SSBP2: variants seen among roughly 807,000 people sequenced by gnomAD.
SSBP2 encodes single-stranded DNA-binding protein 2.
SSBP2 carries 17 observed loss-of-function variants against 61.8 expected under a neutral mutation model. That is an observed-to-expected ratio of 0.28 (90% confidence interval 0.19 to 0.41). SSBP2 has a LOEUF of 0.41. Ranked by LOEUF, SSBP2 falls within the 10% of genes least tolerant of loss-of-function variation. The pLI, the probability that SSBP2 is intolerant of heterozygous loss-of-function variation, is 1.00. For missense variants in SSBP2, 310 were observed against 458.7 expected (o/e 0.68, Z 2.96); for synonymous variants, 139 against 141.3 (o/e 0.98, Z 0.12).
intron 5 of SSBP2, among the ~76,000 whole-genome samples, chr5:81,496,931 C>A (rs1034910296): frequency 6.6e-6 from 1 of 152,204 alleles, no homozygotes; most frequent in African/African-American, 2.4e-5. Flanking sequence ...CACTTTCTCT[C>A]AGGCCCTCAG....
chr5:81,551,765 G>T (rs1363438321), intron 4 of SSBP2, among the ~76,000 whole-genome samples: 1 of 152,014 alleles, frequency 6.6e-6, no homozygotes, highest in Non-Finnish European at 1.5e-5. Context: ...ATGTAAAAAT[G>T]TATACTTTAT....
chr5:81,748,519 A>G (rs1050617057), intron 1 of SSBP2, among the ~76,000 whole-genome samples: 1 of 152,214 alleles, frequency 6.6e-6, no homozygotes, highest in Non-Finnish European at 1.5e-5. Context: ...AGTTTATTCT[A>G]TAAGACAGAA....
intron 14 of SSBP2, chr5:81,437,869 C>T (rs1050670290): frequency 1.3e-4 from 20 of 151,910 alleles, no homozygotes; most frequent in African/African-American, 3.1e-4. Context: ...TGAACACTTG[C>T]GACAATGTTT....
intron 5 of SSBP2, among the ~76,000 whole-genome samples, chr5:81,490,782 T>C (rs1226782343): frequency 1.3e-5 from 2 of 152,196 alleles, no homozygotes; most frequent in African/African-American, 4.8e-5. Flanking sequence ...AGTGAGCAAT[T>C]TGGCTTTTTG....
chr5:81,644,998 A>G (rs1749132036), intron 2 of SSBP2, among the ~76,000 whole-genome samples: 1 of 152,332 alleles, frequency 6.6e-6, no homozygotes, highest in East Asian at 1.9e-4. Flanking sequence ...ACTATACAAG[A>G]TAGAAAAAAA....
intron 1 of SSBP2, chr5:81,750,628 T>TCCCCGGAG (rs1210249753): frequency 6.3e-6 from 1 of 159,238 alleles, no homozygotes; most frequent in African/African-American, 3.0e-5. Context: ...GCTCCCCAGG[T>TCCCCGGAG]CCCCGGAGCC....
intron 4 of SSBP2, among the ~76,000 whole-genome samples, chr5:81,550,822 C>A (rs1264159328): frequency 6.6e-6 from 1 of 152,290 alleles, no homozygotes; most frequent in Admixed American, 6.5e-5. Context: ...AGAGGCCAGG[C>A]GCGGTGGCTC....
intron 10 of SSBP2, among the ~76,000 whole-genome samples, chr5:81,451,854 C>T (rs1402912435): frequency 1.3e-5 from 2 of 152,182 alleles, no homozygotes; most frequent in African/African-American, 2.4e-5. Context: ...TTTTTTGCCC[C>T]GTCAAGCTCT....
Position 81,636,604 on chromosome 5 carries a change from T to C in SSBP2, c.150A>G (p.Lys50=). 2 of 1,610,902 alleles carry C rather than the reference T, an allele frequency of 1.2e-6. No homozygotes were observed. The highest frequency in any genetic ancestry group is 2.2e-5 in the South Asian group (2 of 90,586). ...CTGGTGGTTCCCCCAATGTGATGTT[T>C]TTTTCCCATCTTATCTAAAATGAAT... Residue 50 remains lysine (K), a synonymous_variant, in exon 3 of 17, where the codon AAA becomes AAG. Transcript: ENST00000320672.
At chr5:81,440,895 A>T (rs929839896) in intron 13 of SSBP2, among the ~76,000 whole-genome samples, 1 of 152,186 alleles carries the variant, frequency 6.6e-6, no homozygotes, top group Non-Finnish European at 1.5e-5. Context: ...TTCTTCAGAT[A>T]TACTCAGAAA....
At chr5:81,516,793 A>G (rs527965762) in intron 4 of SSBP2, among the ~76,000 whole-genome samples, 1 of 151,042 alleles carries the variant, frequency 6.6e-6, no homozygotes, top group South Asian at 2.1e-4. Context: ...TGTAAGGTAA[A>G]TAAGAAGTTT....
chr5:81,735,507 TACA>T (rs1335693442), intron 1 of SSBP2, among the ~76,000 whole-genome samples: 3 of 152,206 alleles, frequency 2.0e-5, no homozygotes, highest in African/African-American at 7.2e-5. Context: ...CTAGATTACT[TACA>T]ACACCTAATA....
At chr5:81,679,815 A>G (rs1351375205) in intron 1 of SSBP2, among the ~76,000 whole-genome samples, 1 of 152,202 alleles carries the variant, frequency 6.6e-6, no homozygotes, top group African/African-American at 2.4e-5. Flanking sequence ...GTAAAACATC[A>G]TACATTTCTG....
intron 1 of SSBP2, among the ~76,000 whole-genome samples, chr5:81,704,481 T>C (rs1333714754): frequency 2.0e-5 from 3 of 151,958 alleles, no homozygotes; most frequent in Non-Finnish European, 4.4e-5. Context: ...ATACACAATA[T>C]TATACAATTG....
At chr5:81,563,460 A>C (rs1471983031) in intron 4 of SSBP2, among the ~76,000 whole-genome samples, 1 of 152,206 alleles carries the variant, frequency 6.6e-6, no homozygotes, top group Admixed American at 6.5e-5. Context: ...AACTCCTTAG[A>C]TACACCACCA....
At chr5:81,734,518 C>T (rs1001871986) in intron 1 of SSBP2, among the ~76,000 whole-genome samples, 1 of 152,126 alleles carries the variant, frequency 6.6e-6, no homozygotes, top group African/African-American at 2.4e-5. Flanking sequence ...AAACAAATCC[C>T]AGTACACACC....
intron 4 of SSBP2, among the ~76,000 whole-genome samples, chr5:81,568,554 A>G (rs961360710): frequency 6.6e-6 from 1 of 152,206 alleles, no homozygotes; most frequent in African/African-American, 2.4e-5. Context: ...TCCTTATGAG[A>G]GTAAGACAAC....
chr5:81,636,422 T>A (rs1748236837), intron 3 of SSBP2, 135 bp downstream of exon 3: 3 of 621,724 alleles, frequency 4.8e-6, no homozygotes, highest in Non-Finnish European at 5.2e-6. Context: ...TTAAGGGTTT[T>A]TTAAAAAGTG....
At chr5:81,750,312 G>A (rs1016327293) in intron 1 of SSBP2, among the ~76,000 whole-genome samples, 3 of 142,250 alleles carry the variant, frequency 2.1e-5, no homozygotes, top group Non-Finnish European at 3.0e-5. Context: ...GTCCGTAGCT[G>A]GCCCAGGAAA....
Sources: gnomAD v4.1 joint callset for allele counts (sites outside exome capture counted in the v4.1 genomes callset) on GRCh38, gnomAD v4.1.1 for gene constraint, MANE v1.5 for transcripts, NCBI Gene and HGNC (gene_info 2026-07-23, HGNC 2026-07-21) for gene names.